The following PPA2 variants were observed in gnomAD, a reference collection of about 807,000 sequenced individuals.
PPA2 encodes the protein inorganic pyrophosphatase 2, also known as inorganic pyrophosphatase 2, mitochondrial.
PPA2 carries 48 observed loss-of-function variants against 49.5 expected under a neutral mutation model. That is an observed-to-expected ratio of 0.97 (90% CI 0.77 to 1.23). The LOEUF (loss-of-function observed/expected upper bound fraction) is 1.23. Ranked by LOEUF, PPA2 falls within the 50% of genes most tolerant of loss-of-function variation. The pLI is 0.00. For missense variants in PPA2, 429 were observed against 410.1 expected, an observed-to-expected ratio of 1.05 and a Z score of -0.40; for synonymous variants, 131 against 139.9, an observed-to-expected ratio of 0.94 and a Z score of 0.45.
At position 105,399,152 on chromosome 4, in the gene PPA2, ACAT is replaced by A; in HGVS notation, c.665_667del (p.Asp222del). ...CAGGTAACCCGGTTTGAACTTCTTA[ACAT>A]CATCAATATCTGTAAAGAAAAAAAC... On this transcript the variant is annotated inframe_deletion, in exon 8 of 12. Coordinates refer to ENST00000341695, the MANE Select transcript of PPA2 (RefSeq NM_176869.3). 1 of 1,598,398 alleles carries A rather than the reference ACAT, an allele frequency of 6.3e-7. No homozygotes were observed. Among genetic ancestry groups the A allele is most frequent in the Non-Finnish European group, 8.5e-7 (1 of 1,175,770 alleles).
At chr4:105,430,330 T>C (rs1194652539) in intron 6 of PPA2, among the ~76,000 whole-genome samples, 4 of 152,222 alleles carry the variant, frequency 2.6e-5, no homozygotes, top group Non-Finnish European at 5.9e-5. Context: ...AAAGTGATTG[T>C]ATAAACTAAA....
rs763040737 is a variant in PPA2, at chr4:105,473,941, G to A, written c.110C>T (p.Thr37Ile). 45 of 1,612,318 alleles carry A rather than the reference G, an allele frequency of 2.8e-5. 1 individual carries two copies. In the South Asian group the frequency reaches 4.1e-4, roughly 15 times the overall value. Reference sequence around the variant, plus strand: ...CGAGCAGGGCTGGCCGCGCTCCTCAGTGTGGTACAGGGCCATAGCACGGCG... The same window carrying A: ...CGAGCAGGGCTGGCCGCGCTCCTCAATGTGGTACAGGGCCATAGCACGGCG... ...GSRRAMALYH[T>I]EERGQPCSQN... The change falls in exon 1 of 12, where the codon ACT becomes ATT. Residue 37 changes from threonine (T) to isoleucine (I), a missense_variant. By Grantham distance (89) the Thr-to-Ile change is moderately conservative. Transcript: ENST00000341695.
At chr4:105,404,315 AC>A (rs1560614808) in intron 7 of PPA2, among the ~76,000 whole-genome samples, 1 of 151,882 alleles carries the variant, frequency 6.6e-6, no homozygotes, top group Non-Finnish European at 1.5e-5. Context: ...AAAAAGAACC[AC>A]CCCCAATCCC....
At chr4:105,456,040 C>T (rs773188313) in intron 2 of PPA2, 1 of 329,584 alleles carries the variant, frequency 3.0e-6, no homozygotes, top group South Asian at 3.0e-5. Flanking sequence ...TCGAAACACC[C>T]CAACAATTTT....
chr4:105,395,381 C>T (rs1204005975), intron 9 of PPA2, among the ~76,000 whole-genome samples: 1 of 152,066 alleles, frequency 6.6e-6, no homozygotes, highest in African/African-American at 2.4e-5. Context: ...AGTACCCCCA[C>T]AGGACTGCTT....
At chr4:105,389,714 A>G (rs1386421761) in intron 9 of PPA2, among the ~76,000 whole-genome samples, 2 of 152,190 alleles carry the variant, frequency 1.3e-5, no homozygotes, top group African/African-American at 4.8e-5. Flanking sequence ...TAAATTTCAA[A>G]TCAAACAATG....
intron 2 of PPA2, among the ~76,000 whole-genome samples, chr4:105,454,719 T>C (rs1259360391): frequency 6.6e-6 from 1 of 152,172 alleles, no homozygotes; most frequent in Non-Finnish European, 1.5e-5. Flanking sequence ...GAAACCTATT[T>C]ACACAACCAC....
At chr4:105,444,228 A>G (rs1724506334) in intron 5 of PPA2, among the ~76,000 whole-genome samples, 1 of 152,212 alleles carries the variant, frequency 6.6e-6, no homozygotes. Flanking sequence ...GAAACACTGA[A>G]GAAGACTTTG....
At chr4:105,456,815 A>G (rs1722892805) in intron 1 of PPA2, 70 bp from the exon 2 acceptor site, 2 of 1,191,092 alleles carry the variant, frequency 1.7e-6, no homozygotes, top group African/African-American at 3.1e-5. Context: ...TACAGCAATA[A>G]TAAACATCCT....
intron 6 of PPA2, among the ~76,000 whole-genome samples, chr4:105,428,794 T>C (rs1723652852): frequency 6.6e-6 from 1 of 151,974 alleles, no homozygotes; most frequent in Non-Finnish European, 1.5e-5. Flanking sequence ...GTTTTGCACA[T>C]GTAACCCAGA....
chr4:105,428,870 GAAC>G (rs1320072576), intron 6 of PPA2, among the ~76,000 whole-genome samples: 1 of 152,130 alleles, frequency 6.6e-6, no homozygotes, highest in African/African-American at 2.4e-5. Context: ...AAGAAACCAT[GAAC>G]AACAGGCAAT....
intron 6 of PPA2, among the ~76,000 whole-genome samples, chr4:105,437,672 G>A (rs972681606): frequency 1.3e-5 from 2 of 152,164 alleles, no homozygotes; most frequent in African/African-American, 2.4e-5. Flanking sequence ...CAACTCTACC[G>A]TCGTAGTGTA....
At chr4:105,436,354 A>T (rs572207580) in intron 6 of PPA2, among the ~76,000 whole-genome samples, 2 of 152,268 alleles carry the variant, frequency 1.3e-5, no homozygotes, top group African/African-American at 4.8e-5. Context: ...ATGCTCATGG[A>T]TTGGAAGAAT....
chr4:105,446,820 C>T (rs1722404707), intron 4 of PPA2, among the ~76,000 whole-genome samples: 1 of 152,082 alleles, frequency 6.6e-6, no homozygotes, highest in Non-Finnish European at 1.5e-5. Context: ...CCTTTTGTTA[C>T]TAATCTCAGG....
At position 105,376,711 on chromosome 4, in the gene PPA2, C is replaced by G. The variant is rs556859484; in HGVS notation, c.940-5838G>C. On this transcript the variant is annotated intron_variant, in intron 10 of 11. Coordinates refer to ENST00000341695, the MANE Select transcript of PPA2 (RefSeq NM_176869.3). ...CTGAGCAAGTGTATAGCTACTTACT[C>G]TTCTTGGCCTGAATTCTAGATTGTA... is the stretch of plus-strand genomic sequence containing the variant. Among the ~76,000 whole-genome samples the G allele has an allele frequency of 3.9e-5, 6 of 152,260 alleles. No homozygotes were observed. In the South Asian group the frequency reaches 1.2e-3, roughly 32 times the overall value.
intron 1 of PPA2, among the ~76,000 whole-genome samples, chr4:105,464,147 G>A (rs1268143494): frequency 6.6e-6 from 1 of 152,222 alleles, no homozygotes; most frequent in Non-Finnish European, 1.5e-5. Context: ...CAAAGCCACA[G>A]GGGCAGAGCT....
At chr4:105,465,297 C>T (rs749930441) in intron 1 of PPA2, among the ~76,000 whole-genome samples, 1 of 152,140 alleles carries the variant, frequency 6.6e-6, no homozygotes, top group Non-Finnish European at 1.5e-5. Context: ...TTCTAATTAT[C>T]TTTCTTACAT....
intron 9 of PPA2, among the ~76,000 whole-genome samples, chr4:105,391,870 T>G (rs990970768): frequency 3.3e-5 from 5 of 151,700 alleles, no homozygotes; most frequent in African/African-American, 4.9e-5. Flanking sequence ...GGAGAATGAT[T>G]GTTAATAAAA....
At chr4:105,394,570 A>G (rs1734058844) in intron 9 of PPA2, among the ~76,000 whole-genome samples, 1 of 152,270 alleles carries the variant, frequency 6.6e-6, no homozygotes, top group Admixed American at 6.5e-5. Flanking sequence ...ATCACTCAGA[A>G]CGTGGAACAT....
Sources: gnomAD v4.1 joint callset for allele counts (sites outside exome capture counted in the v4.1 genomes callset) on GRCh38, gnomAD v4.1.1 for gene constraint, MANE v1.5 for transcripts, NCBI Gene and HGNC (gene_info 2026-07-23, HGNC 2026-07-21) for gene names.